RLF: variants seen among roughly 807,000 people sequenced by gnomAD.
RLF encodes zinc finger protein Rlf.
RLF carries 7 observed loss-of-function variants against 162.9 expected under a neutral mutation model. The ratio of observed to expected loss-of-function variants is 0.04; its 90% CI spans 0.02 to 0.08. RLF has a LOEUF of 0.08. Among genes scored for constraint, RLF ranks in the 10% least tolerant of loss-of-function variants. The pLI is 1.00. For missense variants in RLF, 1,664 were observed against 2,244.7 expected (o/e 0.74, Z 5.23); for synonymous variants, 782 against 791.5 (o/e 0.99, Z 0.20).
At chr1:40,202,356 A>T in intron 4 of RLF, 56 bp from the exon 5 acceptor site, 1 of 1,119,368 alleles carries the variant, frequency 8.9e-7, no homozygotes, top group Non-Finnish European at 1.3e-6. Context: ...CATCTTAGCA[A>T]GTCTGACATG....
intron 4 of RLF, among the ~76,000 whole-genome samples, chr1:40,200,866 CTACACACACACACA>C (rs1557748416): frequency 4.6e-5 from 5 of 107,740 alleles, no homozygotes; most frequent in Non-Finnish European, 7.4e-5. Flanking sequence ...CATTGCTACT[CTACACACACACACA>C]CACACACACA....
chr1:40,184,272 A>G (rs896826767), intron 1 of RLF, among the ~76,000 whole-genome samples: 2 of 152,232 alleles, frequency 1.3e-5, no homozygotes, highest in African/African-American at 2.4e-5. Context: ...CAATGTACAG[A>G]CATACGTGAT....
intron 1 of RLF, among the ~76,000 whole-genome samples, chr1:40,182,896 G>T (rs1362518878): frequency 1.3e-5 from 2 of 152,120 alleles, no homozygotes; most frequent in Non-Finnish European, 2.9e-5. Context: ...GACTTAGGGG[G>T]TTTAATTTAC....
chr1:40,240,113 C>A lies in RLF; in HGVS notation c.5411C>A (p.Ser1804Tyr). Reference sequence around the variant, plus strand: ...TTAACATTAAGTAATTCTTCACAGTCCAGTAATGATTTAACAGGGAATGTT... The same window carrying A: ...TTAACATTAAGTAATTCTTCACAGTACAGTAATGATTTAACAGGGAATGTT... ...EHLTLSNSSQ[S>Y]SNDLTGNVVA... The change falls in exon 8 of 8, where the codon TCC becomes TAC. Residue 1804 changes from serine to tyrosine, a missense_variant. Ser to Tyr is a moderately radical substitution (Grantham distance 144, BLOSUM62 -2). Transcript: ENST00000372771. 6.2e-7 allele frequency: 1 copy of A among 1,614,066 alleles called. No homozygotes were observed. Among genetic ancestry groups the A allele is most frequent in the Non-Finnish European group, 8.5e-7 (1 of 1,179,952 alleles).
At chr1:40,186,736 T>C (rs555885862) in intron 1 of RLF, among the ~76,000 whole-genome samples, 21 of 152,296 alleles carry the variant, frequency 1.4e-4, no homozygotes, top group African/African-American at 4.8e-4. Flanking sequence ...TCTAGCACTT[T>C]ATGTGTGATA....
intron 1 of RLF, among the ~76,000 whole-genome samples, chr1:40,183,061 C>G (rs1478824635): frequency 2.0e-5 from 3 of 152,090 alleles, no homozygotes; most frequent in Non-Finnish European, 4.4e-5. Context: ...TTACTCTGAT[C>G]TGTTCTAGCC....
chr1:40,217,328 A>G (rs1325099770), intron 5 of RLF, among the ~76,000 whole-genome samples: 1 of 151,918 alleles, frequency 6.6e-6, no homozygotes, highest in Non-Finnish European at 1.5e-5. Context: ...TAAACTGGGC[A>G]TGATGGTGGG....
intron 5 of RLF, among the ~76,000 whole-genome samples, chr1:40,219,848 A>T (rs1305676009): frequency 2.6e-5 from 4 of 152,238 alleles, no homozygotes; most frequent in Admixed American, 6.5e-5. Context: ...AATTTGAGAC[A>T]TTGGTAGAGA....
chr1:40,225,382 T>C (rs1187064940), intron 6 of RLF, among the ~76,000 whole-genome samples: 1 of 151,694 alleles, frequency 6.6e-6, no homozygotes, highest in African/African-American at 2.4e-5. Flanking sequence ...AGTTCGAGAC[T>C]AGCCTGGCCA....
chr1:40,239,648 G>A lies in RLF; in HGVS notation c.4946G>A (p.Gly1649Glu). 6.2e-7 allele frequency: 1 copy of A among 1,614,168 alleles called. No individual in the cohort carries two copies. The highest frequency in any genetic ancestry group is 1.1e-5 in the South Asian group (1 of 91,080). ...TGCTGTCATTCAAGTGAAAGGGATG[G>A]AGGTCAGAAAGGGTGCATAGAAAGC... ...TDCCHSSERD[G>E]GQKGCIESSS... Residue 1649 changes from glycine (G) to glutamate (E), a missense_variant, in exon 8 of 8, where the codon GGA becomes GAA. Transcript: ENST00000372771.
At chr1:40,173,874 A>G (rs1295039461) in intron 1 of RLF, among the ~76,000 whole-genome samples, 2 of 152,192 alleles carry the variant, frequency 1.3e-5, no homozygotes, top group Non-Finnish European at 2.9e-5. Flanking sequence ...GAACATGTCC[A>G]AAGAATTATA....
intron 5 of RLF, among the ~76,000 whole-genome samples, chr1:40,216,966 A>G (rs921975773): frequency 2.0e-5 from 3 of 151,776 alleles, no homozygotes; most frequent in Non-Finnish European, 4.4e-5. Flanking sequence ...GCAGAATTGG[A>G]TGAACCCAGG....
chr1:40,235,783 T>G lies in RLF; in HGVS notation c.1090-9T>G. The G allele has an allele frequency of 6.6e-7, 1 of 1,520,324 alleles. No homozygotes were observed. The highest frequency in any genetic ancestry group is 2.4e-5 in the East Asian group (1 of 42,292). The allele number at this position is 1,520,324 out of a possible 1,614,324, so 94.2% of individuals were successfully genotyped here. A position where few individuals can be genotyped will look rare whatever the true frequency, so the allele number is the denominator to read the frequency against. On this transcript the variant is annotated splice_polypyrimidine_tract_variant and intron_variant, in intron 7 of 7. Coordinates refer to ENST00000372771, the MANE Select transcript of RLF (RefSeq NM_012421.4). ...AAAAAATAATTTTTTTATCCTCTTTTACTTACAGGCACAAGATGCTGGTCT... is the reference window on the plus strand; with the variant it reads ...AAAAAATAATTTTTTTATCCTCTTTGACTTACAGGCACAAGATGCTGGTCT...
chr1:40,233,259 A>G lies in RLF; in HGVS notation c.1089+1601A>G, dbSNP rs116304003. On this transcript the variant is annotated intron_variant, in intron 7 of 7. Transcript: ENST00000372771. ...ATATCCTGATTCACATTTATTCACT[A>G]CTCCTTTCAGTAACTTTTTGGCATA... Among the ~76,000 whole-genome samples, 305 of 151,722 alleles carry G rather than the reference A, an allele frequency of 2.0e-3. 4 individuals are homozygous for G. Among genetic ancestry groups the G allele is most frequent in the African/African-American group, 7.1e-3 (292 of 41,324 alleles).
At chr1:40,167,195 A>G (rs1000006821) in intron 1 of RLF, among the ~76,000 whole-genome samples, 1 of 152,182 alleles carries the variant, frequency 6.6e-6, no homozygotes, top group African/African-American at 2.4e-5. Flanking sequence ...ACCTAATAGG[A>G]CAATAGTTTG....
chr1:40,229,252 T>G (rs1643121741), intron 6 of RLF, among the ~76,000 whole-genome samples: 1 of 152,128 alleles, frequency 6.6e-6, no homozygotes, highest in Non-Finnish European at 1.5e-5. Context: ...ATAAAGCAAT[T>G]GTGTGTTTAA....
Position 40,239,971 on chromosome 1 carries a change from C to T in RLF, c.5269C>T (p.Arg1757Trp), listed in dbSNP as rs772809936. Residue 1757 changes from arginine (R) to tryptophan (W), a missense_variant, in exon 8 of 8, where the codon CGG (arginine) becomes TGG (tryptophan). Coordinates refer to ENST00000372771, the MANE Select transcript of RLF (RefSeq NM_012421.4). Reference protein sequence around the residue: ...KENFRKHSQPRSFDLKTYKPM... With the variant: ...KENFRKHSQPWSFDLKTYKPM... ...GAATTTTAGGAAACATTCACAGCCC[C>T]GGTCATTTGATTTGAAGACTTACAA... The T allele has an allele frequency of 7.4e-6, 12 of 1,613,568 alleles. No homozygotes were observed. The highest frequency in any genetic ancestry group is 4.0e-5 in the African/African-American group (3 of 74,894).
At chr1:40,225,910 A>G (rs1643065822) in intron 6 of RLF, among the ~76,000 whole-genome samples, 1 of 136,908 alleles carries the variant, frequency 7.3e-6, no homozygotes, top group Admixed American at 7.4e-5. Flanking sequence ...AAAAAGCCGG[A>G]TGGTAGTGGT....
intron 5 of RLF, among the ~76,000 whole-genome samples, chr1:40,213,613 T>C (rs1471748477): frequency 6.6e-6 from 1 of 152,244 alleles, no homozygotes; most frequent in Non-Finnish European, 1.5e-5. Context: ...GTAAGTTTGC[T>C]AACTGTAACT....
Sources: allele counts gnomAD v4.1 joint callset (sites outside exome capture counted in the v4.1 genomes callset), GRCh38; gene constraint gnomAD v4.1.1; transcripts MANE v1.5; gene names NCBI Gene and HGNC (gene_info 2026-07-23, HGNC 2026-07-21).